Variants in MICOS13 observed in about 807,000 individuals in gnomAD.
MICOS13 encodes the protein MICOS complex subunit MIC13.
Under a neutral mutation model 16.1 loss-of-function variants are expected in MICOS13, and 15 were observed. The ratio of observed to expected loss-of-function variants is 0.93; its 90% confidence interval spans 0.62 to 1.44. The LOEUF (loss-of-function observed/expected upper bound fraction) is 1.44. MICOS13 is among the 40% of genes most tolerant of loss of function. MICOS13 has a pLI of 0.00. For missense variants in MICOS13, 164 were observed against 155.0 expected, an observed-to-expected ratio of 1.06 and a Z score of -0.31; for synonymous variants, 61 against 62.6, an observed-to-expected ratio of 0.97 and a Z score of 0.12.
chr19:5,680,341 G>A lies in MICOS13; in HGVS notation c.29+117C>T, dbSNP rs767948961. On this transcript the variant is annotated intron_variant, in intron 1 of 3. Transcript: ENST00000309324. Reference sequence around the variant, plus strand: ...CCTATCTGGCCCATAGGCGGGGAACGAAGGGGAAGTGACTCTAAGGGAAGC... The same window carrying A: ...CCTATCTGGCCCATAGGCGGGGAACAAAGGGGAAGTGACTCTAAGGGAAGC... The A allele has an allele frequency of 5.0e-6, 8 of 1,605,492 alleles. No homozygotes were observed. In the East Asian group the frequency reaches 1.1e-4, roughly 22 times the overall value.
At chr19:5,679,814 C>A (rs757877289) in intron 1 of MICOS13, 51 bp from the exon 2 acceptor site, 19 of 1,533,224 alleles carry the variant, frequency 1.2e-5, no homozygotes, top group Non-Finnish European at 1.5e-5. Flanking sequence ...TGACAGCCAC[C>A]CTCAGGGGCC....
At chr19:5,679,964 A>ACTTGAAC in intron 1 of MICOS13, 1 of 1,437,674 alleles carries the variant, frequency 7.0e-7, no homozygotes, top group Non-Finnish European at 9.2e-7. Flanking sequence ...GCTGGACGCC[A>ACTTGAAC]CTTGAACTGA....
chr19:5,679,864 C>G (rs997571549), intron 1 of MICOS13, 101 bp from the exon 2 acceptor site: 40 of 1,431,828 alleles, frequency 2.8e-5, no homozygotes, highest in Non-Finnish European at 3.2e-5. Context: ...GAGGGCTCAC[C>G]GTCCACAGGG....
In MICOS13 at chr19:5,680,509, G is replaced by A; in HGVS notation, c.-23C>T. 6.3e-7 allele frequency: 1 copy of A among 1,599,074 alleles called. No individual in the cohort carries two copies. The highest frequency in any genetic ancestry group is 8.5e-7 in the Non-Finnish European group (1 of 1,176,132). ...CATGGTCGCTCGGATCCACGCGCAA[G>A]GACACTCGGCTCGCCCGCCGCTTCC... On this transcript the variant is annotated 5_prime_UTR_variant, in exon 1 of 4. Transcript: ENST00000309324.
intron 1 of MICOS13, chr19:5,680,227 C>G (rs764942976): frequency 1.3e-6 from 2 of 1,547,276 alleles, no homozygotes; most frequent in Admixed American, 3.9e-5. Context: ...AGGCTGACAC[C>G]GCGAACTGAA....
At chr19:5,679,477 C>G (rs1011696560) in intron 2 of MICOS13, 81 bp from the exon 3 acceptor site, 63 of 1,593,222 alleles carry the variant, frequency 4.0e-5, no homozygotes, top group Admixed American at 8.5e-5. Context: ...GAGGACAGGC[C>G]GGAGAATCAG....
intron 3 of MICOS13, 104 bp downstream of exon 3, chr19:5,679,241 C>T (rs1426671095): frequency 4.1e-6 from 5 of 1,229,902 alleles, no homozygotes; most frequent in Admixed American, 4.8e-5. Context: ...CTAAGAGACA[C>T]GTGTCGGGCA....
rs929711103 is a variant in MICOS13, at chr19:5,679,649, G to C, written c.144C>G (p.Val48=). 2.5e-6 allele frequency: 4 copies of C among 1,610,758 alleles called. No homozygotes were observed. The highest frequency in any genetic ancestry group is 1.3e-5 in the African/African-American group (1 of 74,818). Residue 48 remains valine, a synonymous_variant, in exon 2 of 4, where the codon GTC becomes GTG. Transcript: ENST00000309324. The part of the protein sequence containing the change: ...QAALQKAGEV[V]PPAMYQFSQY... ...GGCTGAACTGGTACATGGCGGGGGG[G>C]ACCACCTCCCCAGCCTTCTGTAGGG... is the stretch of plus-strand genomic sequence containing the variant.
chr19:5,679,259 G>A (rs2054486262), intron 3 of MICOS13, 86 bp downstream of exon 3: 5 of 1,385,070 alleles, frequency 3.6e-6, no homozygotes, highest in South Asian at 1.2e-5. Context: ...GCAGGAAGGA[G>A]GATGGACAGA....
intron 3 of MICOS13, 110 bp from the exon 4 acceptor site, chr19:5,678,758 C>T (rs990160126): frequency 8.7e-5 from 23 of 264,728 alleles, no homozygotes; most frequent in African/African-American, 4.4e-4. Context: ...GGGTGGGGGG[C>T]GGGGATGGAG....
At chr19:5,679,249 G>A (rs1296849309) in intron 3 of MICOS13, 96 bp downstream of exon 3, 1 of 1,303,762 alleles carries the variant, frequency 7.7e-7, no homozygotes, top group East Asian at 2.4e-5. Flanking sequence ...CACGTGTCGG[G>A]CAGGAAGGAG....
At chr19:5,679,223 T>A in intron 3 of MICOS13, 122 bp downstream of exon 3, 2 of 1,111,460 alleles carry the variant, frequency 1.8e-6, no homozygotes, top group Non-Finnish European at 2.6e-6. Context: ...CCTTTCCCTT[T>A]TAGATCCCTA....
Position 5,679,575 on chromosome 19 carries a change from G to T in MICOS13, c.207+11C>A. On this transcript the variant is annotated intron_variant, in intron 2 of 3. Coordinates refer to ENST00000309324, the MANE Select transcript of MICOS13 (RefSeq NM_205767.3). ...CCGCCAAACCCTGGCCTCGTTCCCG[G>T]CCCGTAGTACCTGGGGTATCTGCAG... The T allele has an allele frequency of 6.2e-7, 1 of 1,607,912 alleles. No individual in the cohort carries two copies. The highest frequency in any genetic ancestry group is 8.5e-7 in the Non-Finnish European group (1 of 1,177,738).
At chr19:5,680,003 GTCAC>G in intron 1 of MICOS13, 1 of 1,486,716 alleles carries the variant, frequency 6.7e-7, no homozygotes, top group Non-Finnish European at 8.9e-7. Flanking sequence ...GGGAGAGTGG[GTCAC>G]TCAAAGTCCC....
At chr19:5,679,276 T>A in intron 3 of MICOS13, 69 bp downstream of exon 3, 7 of 1,470,466 alleles carry the variant, frequency 4.8e-6, no homozygotes, top group Non-Finnish European at 6.6e-6. Context: ...CAGAAAGGAA[T>A]GGCCAGGAAG....
intron 1 of MICOS13, 75 bp downstream of exon 1, chr19:5,680,383 C>T (rs1406579520): frequency 6.2e-7 from 1 of 1,606,838 alleles, no homozygotes; most frequent in Admixed American, 1.7e-5. Context: ...CAGATCGGGA[C>T]CAGACTGGAG....
chr19:5,680,326 C>T, intron 1 of MICOS13, 132 bp downstream of exon 1: 2 of 1,608,532 alleles, frequency 1.2e-6, no homozygotes, highest in Non-Finnish European at 1.7e-6. Context: ...CCTATCTGGC[C>T]CATAGGCGGG....
rs2054496080 is a variant in MICOS13, at chr19:5,679,663, C to A, written c.130G>T (p.Ala44Ser). 1 of 1,610,516 alleles carries A rather than the reference C, an allele frequency of 6.2e-7. No homozygotes were observed. Among genetic ancestry groups the A allele is most frequent in the Non-Finnish European group, 8.5e-7 (1 of 1,179,226 alleles). The part of the protein sequence containing the change: ...SDKSQAALQK[A>S]GEVVPPAMYQ... ...ATGGCGGGGGGGACCACCTCCCCAGCCTTCTGTAGGGCTGCCTGGCTCTTG... is the reference window on the plus strand; with the variant it reads ...ATGGCGGGGGGGACCACCTCCCCAGACTTCTGTAGGGCTGCCTGGCTCTTG... Residue 44 changes from alanine (A) to serine (S), a missense_variant, in exon 2 of 4, where the codon GCT (alanine) becomes TCT (serine). Transcript: ENST00000309324.
chr19:5,679,454 G>A, intron 2 of MICOS13, 58 bp from the exon 3 acceptor site: 2 of 1,595,444 alleles, frequency 1.3e-6, no homozygotes, highest in South Asian at 2.2e-5. Flanking sequence ...CCCATCCCCA[G>A]AGGCGGAGGG....
Sources: allele counts gnomAD v4.1 joint callset, GRCh38; gene constraint gnomAD v4.1.1; transcripts MANE v1.5; gene names NCBI Gene and HGNC (gene_info 2026-07-23, HGNC 2026-07-21).